Variants in GLYATL3 observed in about 807,000 individuals in gnomAD.
The protein encoded by GLYATL3 is glycine N-acyltransferase-like protein 3.
A neutral mutation model predicts 28.5 loss-of-function variants in GLYATL3; 31 were observed. That is an observed-to-expected ratio of 1.09 (90% CI 0.82 to 1.47). The LOEUF (loss-of-function observed/expected upper bound fraction) is 1.47. Among genes scored for constraint, GLYATL3 ranks in the 40% most tolerant of loss-of-function variants. The pLI, the probability that GLYATL3 is intolerant of heterozygous loss-of-function variation, is 0.00. For synonymous variants in GLYATL3, 141 were observed against 140.2 expected (o/e 1.01, Z -0.04); for missense variants, 369 against 351.5 (o/e 1.05, Z -0.40).
intron 1 of GLYATL3, among the ~76,000 whole-genome samples, chr6:49,501,219 G>A (rs150162906): frequency 0.014 from 2,192 of 151,858 alleles, 49 homozygotes; most frequent in African/African-American, 0.049. Context: ...AGCCAACATG[G>A]TGAAACCCCC....
rs1376310968 is a variant in GLYATL3, at chr6:49,526,471, G to T, written c.441-17G>T. ...TGAGTCTGAGGTCCTATTTGTTTTT[G>T]TGTCATTCTGGTCTAGCAAGGGGCC... On this transcript the variant is annotated splice_polypyrimidine_tract_variant and intron_variant, in intron 5 of 5. Coordinates refer to ENST00000371197, the MANE Select transcript of GLYATL3 (RefSeq NM_001010904.2). 4 of 1,544,694 alleles carry T rather than the reference G, an allele frequency of 2.6e-6. No homozygotes were observed. Among genetic ancestry groups the T allele is most frequent in the Non-Finnish European group, 2.6e-6 (3 of 1,142,774 alleles).
At chr6:49,505,389 T>C (rs377173930) in intron 1 of GLYATL3, among the ~76,000 whole-genome samples, 1 of 152,194 alleles carries the variant, frequency 6.6e-6, no homozygotes, top group Non-Finnish European at 1.5e-5. Flanking sequence ...AATCCTGTAA[T>C]GCAGAGATAA....
chr6:49,522,648 AGATAGTTAAAAATCACCCACCTCAAC>A (rs1449863670), intron 5 of GLYATL3, among the ~76,000 whole-genome samples: 3 of 152,184 alleles, frequency 2.0e-5, no homozygotes, highest in African/African-American at 7.2e-5. Context: ...GACTGAAGCA[AGATAGTTAAAAATCACCCACCTCAAC>A]GAATGTTAAT....
At chr6:49,508,075 T>A (rs1190242568) in intron 1 of GLYATL3, among the ~76,000 whole-genome samples, 1 of 152,086 alleles carries the variant, frequency 6.6e-6, no homozygotes, top group African/African-American at 2.4e-5. Context: ...GGCGGGTGGA[T>A]CGCAAGGTCA....
intron 1 of GLYATL3, among the ~76,000 whole-genome samples, chr6:49,506,745 C>T (rs1447039468): frequency 6.6e-6 from 1 of 152,088 alleles, no homozygotes; most frequent in African/African-American, 2.4e-5. Context: ...AAATCATTAA[C>T]AATTTAAATT....
intron 1 of GLYATL3, among the ~76,000 whole-genome samples, chr6:49,511,617 C>T (rs182021195): frequency 1.3e-5 from 2 of 152,278 alleles, no homozygotes; most frequent in African/African-American, 4.8e-5. Flanking sequence ...CTTCATACAG[C>T]TTATAGGTTA....
intron 4 of GLYATL3, 142 bp downstream of exon 4, chr6:49,517,698 T>C: frequency 1.9e-6 from 1 of 533,590 alleles, no homozygotes; most frequent in Admixed American, 4.0e-5. Flanking sequence ...TACACATACA[T>C]TTTATGCATT....
intron 5 of GLYATL3, among the ~76,000 whole-genome samples, chr6:49,522,221 C>A (rs1263415989): frequency 2.0e-5 from 3 of 152,122 alleles, no homozygotes; most frequent in African/African-American, 7.2e-5. Flanking sequence ...CCCATTAGTT[C>A]TTTCCACAAC....
intron 5 of GLYATL3, 95 bp downstream of exon 5, chr6:49,521,866 C>A: frequency 1.8e-6 from 2 of 1,096,042 alleles, no homozygotes; most frequent in East Asian, 2.6e-5. Context: ...TATGGAATAT[C>A]CAGGCACTCT....
At chr6:49,509,952 T>C (rs769194764) in intron 1 of GLYATL3, among the ~76,000 whole-genome samples, 1 of 49,570 alleles carries the variant, frequency 2.0e-5, no homozygotes, top group African/African-American at 6.2e-5. Flanking sequence ...TTCTTTCTCT[T>C]TCTTTCTTTC....
At chr6:49,525,456 C>A (rs1769392819) in intron 5 of GLYATL3, among the ~76,000 whole-genome samples, 1 of 149,476 alleles carries the variant, frequency 6.7e-6, no homozygotes, top group East Asian at 2.0e-4. Context: ...CCCACACGCA[C>A]GTGAGGCTGA....
rs1018824721 is a variant in GLYATL3, at chr6:49,515,750, G to A, written c.176G>A (p.Arg59Gln). 2.0e-6 allele frequency: 3 copies of A among 1,536,870 alleles called. No homozygotes were observed. The highest frequency in any genetic ancestry group is 1.4e-5 in the African/African-American group (1 of 72,812). ...GATTTCAAAGCTGTTATCACCCGAC[G>A]ACAAAGAGAGGTACAGTTTTGAAAG... ...WPDFKAVITR[R>Q]QREAETDNLD... is the part of the protein sequence containing the mutation. The change falls in exon 3 of 6, where the codon CGA (arginine) becomes CAA (glutamine). Residue 59 changes from arginine (R) to glutamine (Q), a missense_variant. Coordinates refer to ENST00000371197, the MANE Select transcript of GLYATL3 (RefSeq NM_001010904.2).
chr6:49,501,826 A>G (rs12214753), intron 1 of GLYATL3, among the ~76,000 whole-genome samples: 81,078 of 152,032 alleles, frequency 0.53, 22,950 homozygotes, highest in Non-Finnish European at 0.65. Flanking sequence ...TATCTTATCC[A>G]TATGGACAGG....
Position 49,502,115 on chromosome 6 carries a change from G to A in GLYATL3, c.-29+2073G>A, listed in dbSNP as rs886701452. ...TACTCCATAGCAATAGTTTCAGGGG[G>A]TCTCCCTACATCTCCTCCTTTTCTC... On this transcript the variant is annotated intron_variant, in intron 1 of 5. Transcript: ENST00000371197. 2.0e-5 allele frequency among the ~76,000 whole-genome samples: 3 copies of A among 152,106 alleles called. No individual in the cohort carries two copies. In the South Asian group the frequency reaches 6.2e-4, roughly 32 times the overall value.
chr6:49,508,977 A>AAAT (rs1309610780), intron 1 of GLYATL3, among the ~76,000 whole-genome samples: 91 of 143,734 alleles, frequency 6.3e-4, no homozygotes, highest in African/African-American at 2.3e-3. Flanking sequence ...ACTGTGTCAA[A>AAAT]AATAATAATA....
chr6:49,507,059 C>T (rs575861273), intron 1 of GLYATL3, among the ~76,000 whole-genome samples: 1 of 152,224 alleles, frequency 6.6e-6, no homozygotes, highest in South Asian at 2.1e-4. Context: ...TTAACATATA[C>T]AGGTTCCAAG....
Position 49,526,881 on chromosome 6 carries a change from C to G in GLYATL3, c.834C>G (p.Thr278=). The change falls in exon 6 of 6, where the codon ACC becomes ACG. Residue 278 remains threonine (T), a synonymous_variant. Transcript: ENST00000371197. ...GTCGCTTCCACAGGCTTATTCTCACCCCTGCGACTTTCTCTGGCCTGCCTC... is the reference window on the plus strand; with the variant it reads ...GTCGCTTCCACAGGCTTATTCTCACGCCTGCGACTTTCTCTGGCCTGCCTC... ...LPCRFHRLIL[T]PATFSGLPHL The G allele has an allele frequency of 6.5e-7, 1 of 1,541,576 alleles. No individual in the cohort carries two copies. The highest frequency in any genetic ancestry group is 1.2e-5 in the South Asian group (1 of 83,296).
chr6:49,501,083 C>T (rs113103568), intron 1 of GLYATL3, among the ~76,000 whole-genome samples: 1 of 152,072 alleles, frequency 6.6e-6, no homozygotes, highest in Non-Finnish European at 1.5e-5. Flanking sequence ...AAGTTGAAGC[C>T]AATTAAGTAG....
chr6:49,515,653 G>T lies in GLYATL3; in HGVS notation c.79G>T (p.Val27Phe). The T allele has an allele frequency of 6.5e-7, 1 of 1,537,950 alleles. No homozygotes were observed. Among genetic ancestry groups the T allele is most frequent in the Middle Eastern group, 1.7e-4 (1 of 5,956 alleles). Residue 27 changes from valine to phenylalanine, a missense_variant and splice_region_variant, in exon 3 of 6, where the codon GTT becomes TTT. By Grantham distance (50) the Val-to-Phe change is conservative (BLOSUM62 -1). Transcript: ENST00000371197. ...CTTGTCTCTGGGTTATCTGACTCAG[G>T]TTTACGGAGCGGTGATGAACATAAA... ...LKSCFPESLKVYGAVMNINRG... is the reference protein window; with the variant it reads ...LKSCFPESLKFYGAVMNINRG...
Sources: gnomAD v4.1 joint callset for allele counts (sites outside exome capture counted in the v4.1 genomes callset) on GRCh38, gnomAD v4.1.1 for gene constraint, MANE v1.5 for transcripts, NCBI Gene and HGNC (gene_info 2026-07-23, HGNC 2026-07-21) for gene names.